Variants in AP3S1 observed in about 807,000 individuals in gnomAD.
AP3S1 encodes AP-3 complex subunit sigma-1.
AP3S1 carries 12 observed loss-of-function variants against 21.3 expected under a neutral mutation model. The ratio of observed to expected loss-of-function variants is 0.56; its 90% CI spans 0.36 to 0.91. AP3S1 has a LOEUF of 0.91. Among genes scored for constraint, AP3S1 ranks in the 40% least tolerant of loss-of-function variants. AP3S1 has a pLI of 0.01. For missense variants in AP3S1, 116 were observed against 225.0 expected, an observed-to-expected ratio of 0.52 and a Z score of 3.10; for synonymous variants, 48 against 78.4, an observed-to-expected ratio of 0.61 and a Z score of 2.05.
intron 5 of AP3S1, among the ~76,000 whole-genome samples, chr5:115,908,661 T>A (rs1369371648): frequency 1.3e-5 from 2 of 152,102 alleles, no homozygotes; most frequent in Non-Finnish European, 2.9e-5. Context: ...ATTTGGAAGG[T>A]TTTTTAAATT....
chr5:115,887,879 T>G (rs1270631602), intron 3 of AP3S1, among the ~76,000 whole-genome samples: 8 of 152,106 alleles, frequency 5.3e-5, no homozygotes, highest in African/African-American at 1.9e-4. Flanking sequence ...GTGGCTTGGA[T>G]GTAAAGATAA....
In AP3S1 at chr5:115,898,008, C is replaced by T. The variant is rs147385801; in HGVS notation, c.345+2850C>T. On this transcript the variant is annotated intron_variant, in intron 4 of 5. Transcript: ENST00000316788. ...AGTCAGGATGAGCTAATTTATGCTG[C>T]AGTAGCGAACATGGAAATGTTAGCC... is the stretch of plus-strand genomic sequence containing the variant. Among the ~76,000 whole-genome samples the T allele has an allele frequency of 5.5e-3, 832 of 152,286 alleles. 10 individuals are homozygous for T. The highest frequency in any genetic ancestry group is 0.016 in the Admixed American group (238 of 15,288).
intron 1 of AP3S1, among the ~76,000 whole-genome samples, chr5:115,851,811 T>A (rs1036600697): frequency 1.3e-5 from 2 of 152,122 alleles, no homozygotes; most frequent in African/African-American, 4.8e-5. Flanking sequence ...CACAACTGTT[T>A]AATGAGATTT....
chr5:115,910,228 C>T (rs1361373005), intron 5 of AP3S1, among the ~76,000 whole-genome samples: 1 of 149,218 alleles, frequency 6.7e-6, no homozygotes, highest in Non-Finnish European at 1.5e-5. Context: ...TTGCATCACT[C>T]ACTCCACTGT....
chr5:115,886,988 C>T (rs1749841722), intron 3 of AP3S1, among the ~76,000 whole-genome samples: 2 of 152,168 alleles, frequency 1.3e-5, no homozygotes, highest in Non-Finnish European at 1.5e-5. Context: ...TAATAGAAAT[C>T]CAGTCCAGAA....
intron 1 of AP3S1, among the ~76,000 whole-genome samples, chr5:115,848,723 A>G (rs1047806764): frequency 6.6e-6 from 1 of 152,190 alleles, no homozygotes; most frequent in Non-Finnish European, 1.5e-5. Flanking sequence ...GTTACCATCT[A>G]GAGGGCCCAG....
chr5:115,897,716 C>T (rs1200836350), intron 4 of AP3S1, among the ~76,000 whole-genome samples: 3 of 151,984 alleles, frequency 2.0e-5, no homozygotes, highest in East Asian at 1.9e-4. Context: ...CCCGCCACCA[C>T]GCCTGGCTAA....
chr5:115,870,135 T>TTGTGGAAACATTAGAC lies in AP3S1; in HGVS notation c.273+7_273+8insTGTGGAAACATTAGAC. ...CATTTTAGATCTAATTCAAGTAAGT[T>TTGTGGAAACATTAGAC]AACACTTGCTTCTTACTATCTTAAA... On this transcript the variant is annotated splice_region_variant and intron_variant, in intron 3 of 5. Coordinates refer to ENST00000316788, the MANE Select transcript of AP3S1 (RefSeq NM_001284.4). 813 of 708,030 alleles carry TTGTGGAAACATTAGAC rather than the reference T, an allele frequency of 1.1e-3. No individual in the cohort carries two copies. The highest frequency in any genetic ancestry group is 2.3e-3 in the Admixed American group (83 of 36,674). 43.9% of individuals were successfully genotyped at this position (708,030 alleles called of 1,614,324 possible). A position where few individuals can be genotyped will look rare whatever the true frequency, so the allele number is the denominator to read the frequency against.
At chr5:115,900,009 A>G (rs1315745591) in intron 4 of AP3S1, among the ~76,000 whole-genome samples, 1 of 152,170 alleles carries the variant, frequency 6.6e-6, no homozygotes, top group Non-Finnish European at 1.5e-5. Flanking sequence ...TTCATATTTA[A>G]AAGGAAGAGA....
intron 5 of AP3S1, chr5:115,903,257 A>G (rs1751371857): frequency 4.2e-6 from 1 of 235,664 alleles, no homozygotes; most frequent in African/African-American, 2.3e-5. Context: ...ATTGCCTAAA[A>G]GAATTATCTG....
chr5:115,862,949 A>G (rs1377440218), intron 1 of AP3S1, among the ~76,000 whole-genome samples: 1 of 152,232 alleles, frequency 6.6e-6, no homozygotes, highest in Non-Finnish European at 1.5e-5. Context: ...TGAATCCAGC[A>G]AAAGGACTAT....
chr5:115,849,173 T>G lies in AP3S1; in HGVS notation c.69+7067T>G, dbSNP rs143656064. Among the ~76,000 whole-genome samples the G allele has an allele frequency of 3.1e-3, 473 of 152,364 alleles. 1 individual carries two copies. The highest frequency in any genetic ancestry group is 4.8e-3 in the South Asian group (23 of 4,826). On this transcript the variant is annotated intron_variant, in intron 1 of 5. Transcript: ENST00000316788. Reference sequence around the variant, plus strand: ...AGTAAGACGGATGTCACCCTTGCCCTGTGGGTTTACATTCTGGTGATAGGA... The same window carrying G: ...AGTAAGACGGATGTCACCCTTGCCCGGTGGGTTTACATTCTGGTGATAGGA...
intron 1 of AP3S1, among the ~76,000 whole-genome samples, chr5:115,856,302 A>G (rs962479723): frequency 6.6e-6 from 1 of 152,088 alleles, no homozygotes. Context: ...ATTCTTTCCT[A>G]TATTGTTTTC....
At chr5:115,886,901 G>C (rs1175950803) in intron 3 of AP3S1, among the ~76,000 whole-genome samples, 1 of 152,114 alleles carries the variant, frequency 6.6e-6, no homozygotes, top group Non-Finnish European at 1.5e-5. Flanking sequence ...TAAGTGCATG[G>C]TACATAGTAA....
intron 1 of AP3S1, among the ~76,000 whole-genome samples, chr5:115,848,717 C>T (rs147441625): frequency 1.3e-5 from 2 of 152,150 alleles, no homozygotes; most frequent in African/African-American, 4.8e-5. Flanking sequence ...TGAGTTGTTA[C>T]CATCTAGAGG....
intron 1 of AP3S1, among the ~76,000 whole-genome samples, chr5:115,854,710 T>G (rs1762675780): frequency 6.6e-6 from 1 of 152,008 alleles, no homozygotes; most frequent in Admixed American, 6.5e-5. Flanking sequence ...ACATAAACTA[T>G]TATTATTCTT....
At chr5:115,887,956 G>A (rs1005458336) in intron 3 of AP3S1, among the ~76,000 whole-genome samples, 1 of 151,972 alleles carries the variant, frequency 6.6e-6, no homozygotes, top group East Asian at 1.9e-4. Flanking sequence ...ATTTGGAGGA[G>A]GCATTTTTCG....
chr5:115,898,926 A>C (rs1211948301), intron 4 of AP3S1: 1 of 152,298 alleles, frequency 6.6e-6, no homozygotes, highest in Non-Finnish European at 1.5e-5. Flanking sequence ...GTGTGGCTCC[A>C]ATTGGGTGGC....
Position 115,895,174 on chromosome 5 carries a change from TCA to T in AP3S1, c.345+19_345+20del, listed in dbSNP as rs760666303. 12 of 1,559,404 alleles carry T rather than the reference TCA, an allele frequency of 7.7e-6. No individual in the cohort carries two copies. Among genetic ancestry groups the T allele is most frequent in the Admixed American group, 3.6e-5 (2 of 54,820 alleles). ...TGTAGACAAGGTACTATTTGTATTG[TCA>T]CATCTAAGCTTTTTAAGAAAAACAT... On this transcript the variant is annotated intron_variant, in intron 4 of 5. Coordinates refer to ENST00000316788, the MANE Select transcript of AP3S1 (RefSeq NM_001284.4).
Sources: allele counts gnomAD v4.1 joint callset (sites outside exome capture counted in the v4.1 genomes callset), GRCh38; gene constraint gnomAD v4.1.1; transcripts MANE v1.5; gene names NCBI Gene and HGNC (gene_info 2026-07-23, HGNC 2026-07-21).